The following ZIK1 variants were observed in gnomAD, a reference collection of about 807,000 sequenced individuals.
ZIK1 encodes zinc finger protein interacting with K protein 1, also known as zinc finger protein interacting with ribonucleoprotein K.
A neutral mutation model predicts 10.7 loss-of-function variants in ZIK1; 12 were observed. The observed-to-expected ratio is 1.12, with a 90% confidence interval of 0.72 to 1.81. The LOEUF is 1.81. Among genes scored for constraint, ZIK1 ranks in the 40% most tolerant of loss-of-function variants. The pLI is 0.00. For synonymous variants in ZIK1, 190 were observed against 205.0 expected (o/e 0.93, Z 0.63); for missense variants, 497 against 585.7 (o/e 0.85, Z 1.56).
At chr19:57,588,778 G>C in intron 3 of ZIK1, 113 bp downstream of exon 3, 1 of 1,187,522 alleles carries the variant, frequency 8.4e-7, no homozygotes, top group Non-Finnish European at 1.1e-6. Flanking sequence ...TGCCTGAGTA[G>C]CCCTAACACC....
Position 57,590,733 on chromosome 19 carries a change from T to C in ZIK1, c.922T>C (p.Ser308Pro). 1 of 1,614,062 alleles carries C rather than the reference T, an allele frequency of 6.2e-7. No individual in the cohort carries two copies. The highest frequency in any genetic ancestry group is 8.5e-7 in the Non-Finnish European group (1 of 1,180,004). ...ATGTGGAAAATTATTTAGACAAAAC[T>C]CCAGCCTTGTTGACCACCAGAAAAT... Reference protein sequence around the residue: ...SECGKLFRQNSSLVDHQKIHT... With the variant: ...SECGKLFRQNPSLVDHQKIHT... The change falls in exon 4 of 4, where the codon TCC becomes CCC. Residue 308 changes from serine to proline, a missense_variant. By Grantham distance (74) the Ser-to-Pro change is moderately conservative. Coordinates refer to ENST00000597850, the MANE Select transcript of ZIK1 (RefSeq NM_001010879.4).
At chr19:57,589,878 C>G (rs542010508) in intron 3 of ZIK1, 133 bp from the exon 4 acceptor site, 3 of 1,196,890 alleles carry the variant, frequency 2.5e-6, no homozygotes, top group Non-Finnish European at 3.4e-6. Flanking sequence ...AAAGCAACCC[C>G]TTCCTCAACT....
rs770815749 is a variant in ZIK1, at chr19:57,590,531, G to A, written c.720G>A (p.Glu240=). 2 of 1,614,112 alleles carry A rather than the reference G, an allele frequency of 1.2e-6. No homozygotes were observed. Among genetic ancestry groups the A allele is most frequent in the East Asian group, 2.2e-5 (1 of 44,900 alleles). ...PRVYTGKKLY[E]CSKCGKAFRG... is the part of the protein sequence containing the mutation. ...TCTACACTGGAAAAAAGCTTTATGA[G>A]TGTAGCAAATGTGGGAAAGCCTTCC... is the stretch of plus-strand genomic sequence containing the variant. The change falls in exon 4 of 4, where the codon GAG becomes GAA. Residue 240 remains glutamate (E), a synonymous_variant. Transcript: ENST00000597850.
intron 3 of ZIK1, chr19:57,589,305 A>G (rs924157324): frequency 1.0e-6 from 1 of 985,260 alleles, no homozygotes; most frequent in African/African-American, 1.7e-5. Flanking sequence ...GGTTGGGGGC[A>G]TGATATCCGG....
intron 2 of ZIK1, among the ~76,000 whole-genome samples, chr19:57,585,724 A>G (rs1979087851): frequency 6.6e-6 from 1 of 151,794 alleles, no homozygotes; most frequent in Admixed American, 6.6e-5. Context: ...TTATTTGTCT[A>G]TTTTTAGACA....
At position 57,584,699 on chromosome 19, in the gene ZIK1, C is replaced by G. The variant is rs1038062301; in HGVS notation, c.34-253C>G. 4 of 1,276,434 alleles carry G rather than the reference C, an allele frequency of 3.1e-6. No homozygotes were observed. The East Asian group carries it at 8.4e-5, about 27-fold the overall frequency. 79.1% of individuals were successfully genotyped at this position (1,276,434 alleles called of 1,614,324 possible). A position where few individuals can be genotyped will look rare whatever the true frequency, so the allele number is the denominator to read the frequency against. ...GGCATATGGTCTGAGTTAGGTCTTT[C>G]GAAGTTTTCCAAAAACCTCATGGAG... On this transcript the variant is annotated intron_variant, in intron 1 of 3. Coordinates refer to ENST00000597850, the MANE Select transcript of ZIK1 (RefSeq NM_001010879.4).
chr19:57,588,926 A>G (rs535767476), intron 3 of ZIK1, among the ~76,000 whole-genome samples: 72 of 152,000 alleles, frequency 4.7e-4, no homozygotes, highest in South Asian at 8.3e-4. Context: ...GTTCAGATCC[A>G]TGACACCTTG....
intron 2 of ZIK1, among the ~76,000 whole-genome samples, chr19:57,585,641 T>A (rs1357212259): frequency 1.3e-5 from 2 of 152,196 alleles, no homozygotes; most frequent in Non-Finnish European, 2.9e-5. Flanking sequence ...GCATTTTGAA[T>A]TTAGCATCTG....
In ZIK1 at chr19:57,585,070, AGTTCT is replaced by A. The variant is rs1317616982; in HGVS notation, c.72+81_72+85del. 21 of 1,444,236 alleles carry A rather than the reference AGTTCT, an allele frequency of 1.5e-5. No homozygotes were observed. The Admixed American group carries it at 3.8e-4, about 26-fold the overall frequency. The allele number at this position is 1,444,236 out of a possible 1,614,324, so 89.5% of individuals were successfully genotyped here. On this transcript the variant is annotated intron_variant, in intron 2 of 3. Coordinates refer to ENST00000597850, the MANE Select transcript of ZIK1 (RefSeq NM_001010879.4). ...TTCATGGATCTTTTTGCCACCATCCAGTTCTTTGACCTAAGGACTCTTCACAAACT... is the reference window on the plus strand; with the variant it reads ...TTCATGGATCTTTTTGCCACCATCCATTGACCTAAGGACTCTTCACAAACT...
In ZIK1 at chr19:57,591,305, C is replaced by T. The variant is rs191905747; in HGVS notation, c.*30C>T. On this transcript the variant is annotated 3_prime_UTR_variant, in exon 4 of 4. Transcript: ENST00000597850. ...CTCATGAATGCAGCAAATGTGGAAG[C>T]GCCTTCAACTCAAGATCTATCATCA... is the stretch of plus-strand genomic sequence containing the variant. The T allele has an allele frequency of 1.7e-4, 271 of 1,565,240 alleles. 1 individual carries two copies. The highest frequency in any genetic ancestry group is 2.1e-4 in the Non-Finnish European group (237 of 1,155,340).
At chr19:57,585,874 G>A (rs1346398824) in intron 2 of ZIK1, among the ~76,000 whole-genome samples, 1 of 148,048 alleles carries the variant, frequency 6.8e-6, no homozygotes, top group African/African-American at 2.5e-5. Flanking sequence ...GTGCTACCAT[G>A]CCCAGCGAAT....
chr19:57,588,897 T>C (rs1415963438), intron 3 of ZIK1, among the ~76,000 whole-genome samples: 2 of 151,772 alleles, frequency 1.3e-5, no homozygotes, highest in Non-Finnish European at 2.9e-5. Context: ...CCTTGCTCTC[T>C]TCTTGGCTGG....
Position 57,584,285 on chromosome 19 carries a change from G to T in ZIK1, c.-72G>T. The T allele has an allele frequency of 6.5e-7, 1 of 1,528,926 alleles. No individual in the cohort carries two copies. Among genetic ancestry groups the T allele is most frequent in the Non-Finnish European group, 8.8e-7 (1 of 1,135,432 alleles). The allele number at this position is 1,528,926 out of a possible 1,614,324, so 94.7% of individuals were successfully genotyped here. A position where few individuals can be genotyped will look rare whatever the true frequency, so the allele number is the denominator to read the frequency against. On this transcript the variant is annotated 5_prime_UTR_variant, in exon 1 of 4. Transcript: ENST00000597850. ...GGGTTCTAAGGGTCGGCGGCGGCGGGGTTGACGGCTTTGCCTAGGTCCCTC... is the reference window on the plus strand; with the variant it reads ...GGGTTCTAAGGGTCGGCGGCGGCGGTGTTGACGGCTTTGCCTAGGTCCCTC...
chr19:57,587,776 G>A (rs1381446757), intron 2 of ZIK1, among the ~76,000 whole-genome samples: 1 of 152,158 alleles, frequency 6.6e-6, no homozygotes, highest in South Asian at 2.1e-4. Context: ...GTGAGTCTGG[G>A]GAGGGTGTGA....
intron 3 of ZIK1, among the ~76,000 whole-genome samples, chr19:57,589,057 C>T (rs974695570): frequency 6.6e-6 from 1 of 152,066 alleles, no homozygotes; most frequent in Admixed American, 6.5e-5. Flanking sequence ...CTTACTCACT[C>T]CTTCTAGTTT....
intron 3 of ZIK1, among the ~76,000 whole-genome samples, 178 bp downstream of exon 3, chr19:57,588,843 A>G (rs1032021288): frequency 1.3e-5 from 2 of 151,208 alleles, no homozygotes; most frequent in African/African-American, 2.4e-5. Context: ...AACACCTGCC[A>G]CTGGGCAGCA....
At position 57,590,825 on chromosome 19, in the gene ZIK1, TG is replaced by T. The variant is rs1979622395; in HGVS notation, c.1015del (p.Val339LeufsTer172). 6.2e-7 allele frequency: 1 copy of T among 1,608,758 alleles called. No individual in the cohort carries two copies. Among genetic ancestry groups the T allele is most frequent in the Non-Finnish European group, 8.5e-7 (1 of 1,178,472 alleles). The part of the protein sequence containing the change: ...GKSFSQKATL[V>X]KHQRVHTGER... ...AATCCTTTAGCCAAAAAGCCACCCTTGTTAAACACCAAAGAGTTCACACTGG... is the reference window on the plus strand; with the variant it reads ...AATCCTTTAGCCAAAAAGCCACCCTTTTAAACACCAAAGAGTTCACACTGG... On this transcript the variant is annotated frameshift_variant, in exon 4 of 4. Coordinates refer to ENST00000597850, the MANE Select transcript of ZIK1 (RefSeq NM_001010879.4). LOFTEE classifies it low-confidence loss of function (END_TRUNC).
At position 57,584,957 on chromosome 19, in the gene ZIK1, T is replaced by C; in HGVS notation, c.39T>C (p.Thr13=). ...TGATCTTTGGCTTTCCACAGGTTAC[T>C]GTGTCTCCAGAAACACATATGGACC... is the stretch of plus-strand genomic sequence containing the variant. ...AAALRAPTQV[T]VSPETHMDLT... is the part of the protein sequence containing the mutation. Residue 13 remains threonine (T), a synonymous_variant, in exon 2 of 4, where the codon ACT becomes ACC. Coordinates refer to ENST00000597850, the MANE Select transcript of ZIK1 (RefSeq NM_001010879.4). 6.2e-7 allele frequency: 1 copy of C among 1,613,972 alleles called. No homozygotes were observed. The highest frequency in any genetic ancestry group is 8.5e-7 in the Non-Finnish European group (1 of 1,179,934).
chr19:57,591,291 A>G lies in ZIK1; in HGVS notation c.*16A>G. On this transcript the variant is annotated 3_prime_UTR_variant, in exon 4 of 4. Coordinates refer to ENST00000597850, the MANE Select transcript of ZIK1 (RefSeq NM_001010879.4). ...TAACACATAGAGGCCTCATGAATGC[A>G]GCAAATGTGGAAGCGCCTTCAACTC... 1 of 1,580,788 alleles carries G rather than the reference A, an allele frequency of 6.3e-7. No individual in the cohort carries two copies. Among genetic ancestry groups the G allele is most frequent in the Non-Finnish European group, 8.6e-7 (1 of 1,163,830 alleles).
Sources: gnomAD v4.1 joint callset for allele counts (sites outside exome capture counted in the v4.1 genomes callset) on GRCh38, gnomAD v4.1.1 for gene constraint, MANE v1.5 for transcripts, NCBI Gene and HGNC (gene_info 2026-07-23, HGNC 2026-07-21) for gene names.